INTS3: variants seen among roughly 807,000 people sequenced by gnomAD.
INTS3 encodes the protein SOSS complex subunit A.
In INTS3, 34 loss-of-function variants were observed where a neutral mutation model predicts 146.3. The observed-to-expected ratio is 0.23, with a 90% CI of 0.18 to 0.31. The LOEUF is 0.31. INTS3 is among the 10% of genes least tolerant of loss of function. INTS3 has a pLI of 1.00. For missense variants in INTS3, 757 were observed against 1,304.2 expected, an observed-to-expected ratio of 0.58 and a Z score of 6.46; for synonymous variants, 475 against 494.9, an observed-to-expected ratio of 0.96 and a Z score of 0.53.
intron 20 of INTS3, 28 bp downstream of exon 20, chr1:153,765,091 G>A (rs1247272018): frequency 6.2e-7 from 1 of 1,613,280 alleles, no homozygotes. Flanking sequence ...GTTTCAAATG[G>A]TGTCAGGACA....
intron 1 of INTS3, among the ~76,000 whole-genome samples, chr1:153,731,523 A>C (rs991686012): frequency 1.3e-5 from 2 of 151,878 alleles, no homozygotes; most frequent in African/African-American, 4.8e-5. Context: ...TCTTCTGCCA[A>C]AGAGGGACCA....
chr1:153,753,296 C>G (rs866304179), intron 8 of INTS3, among the ~76,000 whole-genome samples: 5 of 152,066 alleles, frequency 3.3e-5, no homozygotes, highest in Non-Finnish European at 7.4e-5. Context: ...CGGTGGCTCA[C>G]ACCTGTAATC....
At chr1:153,736,939 A>G (rs1370100968) in intron 1 of INTS3, among the ~76,000 whole-genome samples, 2 of 148,846 alleles carry the variant, frequency 1.3e-5, no homozygotes, top group Admixed American at 1.3e-4. Flanking sequence ...AATTTTTTGT[A>G]TTTTTTTTAA....
intron 1 of INTS3, among the ~76,000 whole-genome samples, chr1:153,731,177 G>A (rs916736201): frequency 6.6e-6 from 1 of 151,858 alleles, no homozygotes; most frequent in Non-Finnish European, 1.5e-5. Context: ...CCACAAGAAG[G>A]TAAAAAAACA....
chr1:153,769,757 C>T lies in INTS3; in HGVS notation c.2314-12C>T, dbSNP rs769109776. The T allele has an allele frequency of 1.2e-6, 2 of 1,605,768 alleles. No homozygotes were observed. Among genetic ancestry groups the T allele is most frequent in the South Asian group, 1.1e-5 (1 of 90,894 alleles). ...AGCTGATGGGTTCTGCCTCCTTCCT[C>T]CACCTCCTTAGCTCCAGGAGCTGGT... On this transcript the variant is annotated splice_polypyrimidine_tract_variant and intron_variant, in intron 22 of 29. Transcript: ENST00000318967.
chr1:153,746,902 G>A, intron 3 of INTS3, 55 bp from the exon 4 acceptor site: 1 of 1,080,576 alleles, frequency 9.3e-7, no homozygotes, highest in Non-Finnish European at 1.4e-6. Context: ...ACTGTGGGTG[G>A]GGTGAGGACC....
intron 1 of INTS3, among the ~76,000 whole-genome samples, chr1:153,739,776 C>G (rs1671450220): frequency 6.6e-6 from 1 of 151,470 alleles, no homozygotes; most frequent in African/African-American, 2.4e-5. Context: ...GCCTAAGTCC[C>G]TTTTATTTTA....
rs945938680 is a variant in INTS3 at position 153,763,152 on chromosome 1, A to G, written c.1637-81A>G. The G allele has an allele frequency of 1.1e-5, 17 of 1,564,168 alleles. No homozygotes were observed. In the African/African-American group the frequency reaches 1.9e-4, roughly 17 times the overall value. On this transcript the variant is annotated intron_variant, in intron 15 of 29. Transcript: ENST00000318967. ...AGGTGCACACTTAGGGCATGTGAGG[A>G]AGGGGATAAGTCATTGAGGGGACTG...
chr1:153,769,669 T>A, intron 22 of INTS3, 100 bp from the exon 23 acceptor site: 1 of 730,084 alleles, frequency 1.4e-6, no homozygotes, highest in Non-Finnish European at 2.4e-6. Context: ...TCCTCTAATT[T>A]TTTTTTTTCC....
Position 153,756,021 on chromosome 1 carries a change from C to T in INTS3, c.957+1282C>T, listed in dbSNP as rs572621061. 4.2e-4 allele frequency among the ~76,000 whole-genome samples: 64 copies of T among 151,734 alleles called. 1 individual carries two copies. The highest frequency in any genetic ancestry group is 3.4e-3 in the Middle Eastern group (1 of 292). ...CGCCACTGCACTCCAGCCTGGGCAA[C>T]AGAGTGAAACGCTGTCTCAAAAAAT... On this transcript the variant is annotated intron_variant, in intron 9 of 29. Transcript: ENST00000318967.
At position 153,767,788 on chromosome 1, in the gene INTS3, G is replaced by GTTTTTTAA; in HGVS notation, c.2205_2206insTTTTTTAA (p.Arg736PhefsTer22). On this transcript the variant is annotated frameshift_variant, in exon 21 of 30. Coordinates refer to ENST00000318967, the MANE Select transcript of INTS3 (RefSeq NM_023015.5). LOFTEE classifies it high-confidence loss of function. ...TGAAGGCCTGCCAGGAGGACGATGT[G>GTTTTTTAA]CGGCTCCTGTGCCACCTCACGCCCT... 6.2e-7 allele frequency: 1 copy of GTTTTTTAA among 1,610,558 alleles called. No individual in the cohort carries two copies. Among genetic ancestry groups the GTTTTTTAA allele is most frequent in the Non-Finnish European group, 8.5e-7 (1 of 1,178,488 alleles).
rs1417340716 is a variant in INTS3, at chr1:153,770,068, T to G, written c.2390-130T>G. On this transcript the variant is annotated intron_variant, in intron 23 of 29. Transcript: ENST00000318967. ...TAGTCAGTGGATTGGGGTGTGTGTGTGTGTGTGTGTGTGTGTGTGTGTGTG... is the reference window on the plus strand; with the variant it reads ...TAGTCAGTGGATTGGGGTGTGTGTGGGTGTGTGTGTGTGTGTGTGTGTGTG... 1.1e-3 allele frequency: 381 copies of G among 338,494 alleles called. 2 individuals are homozygous for G. Among genetic ancestry groups the G allele is most frequent in the South Asian group, 5.2e-3 (174 of 33,344 alleles). The allele number at this position is 338,494 out of a possible 1,614,324, so 21.0% of individuals were successfully genotyped here. A position where few individuals can be genotyped will look rare whatever the true frequency, so the allele number is the denominator to read the frequency against.
intron 1 of INTS3, among the ~76,000 whole-genome samples, chr1:153,731,746 C>T (rs866798148): frequency 2.7e-5 from 4 of 147,206 alleles, no homozygotes; most frequent in Admixed American, 6.9e-5. Flanking sequence ...CCACCACGCC[C>T]GGCTAATTTT....
intron 12 of INTS3, 69 bp from the exon 13 acceptor site, chr1:153,760,758 A>T: frequency 7.9e-7 from 1 of 1,262,592 alleles, no homozygotes; most frequent in South Asian, 1.2e-5. Context: ...GCAGCTTTTC[A>T]GATCTAATTC....
At chr1:153,738,050 T>C (rs1671369035) in intron 1 of INTS3, among the ~76,000 whole-genome samples, 1 of 152,204 alleles carries the variant, frequency 6.6e-6, no homozygotes, top group African/African-American at 2.4e-5. Flanking sequence ...GTAAACATTT[T>C]ATATAAAGTC....
chr1:153,752,896 T>A (rs1672011393), intron 8 of INTS3, among the ~76,000 whole-genome samples: 1 of 152,170 alleles, frequency 6.6e-6, no homozygotes, highest in African/African-American at 2.4e-5. Context: ...GGAGTCTCCG[T>A]GTGCCTCCTC....
chr1:153,734,164 G>C (rs1210352942), intron 1 of INTS3, among the ~76,000 whole-genome samples: 1 of 152,116 alleles, frequency 6.6e-6, no homozygotes, highest in Non-Finnish European at 1.5e-5. Flanking sequence ...CTGTCATGGA[G>C]GGCTTACTCT....
intron 20 of INTS3, among the ~76,000 whole-genome samples, chr1:153,766,089 C>A (rs1392808913): frequency 7.6e-6 from 1 of 131,962 alleles, no homozygotes; most frequent in Non-Finnish European, 1.6e-5. Context: ...TGTATGTGAT[C>A]TTTTGTGACT....
In INTS3 at chr1:153,759,381, G is replaced by T; in HGVS notation, c.1150-145G>T. 4.3e-6 allele frequency: 3 copies of T among 701,072 alleles called. No homozygotes were observed. In the South Asian group the frequency reaches 4.8e-5, roughly 11 times the overall value. The allele number at this position is 701,072 out of a possible 1,614,324, so 43.4% of individuals were successfully genotyped here. ...GTATTCACTCATACACAACACAAGG[G>T]GGGTTAGCATTTCACCGTGTTTCAC... On this transcript the variant is annotated intron_variant, in intron 10 of 29. Coordinates refer to ENST00000318967, the MANE Select transcript of INTS3 (RefSeq NM_023015.5).
Sources: allele counts gnomAD v4.1 joint callset (sites outside exome capture counted in the v4.1 genomes callset), GRCh38; gene constraint gnomAD v4.1.1; transcripts MANE v1.5; gene names NCBI Gene and HGNC (gene_info 2026-07-23, HGNC 2026-07-21).